Variants in CDH4 observed in about 807,000 individuals in gnomAD.
CDH4 encodes cadherin 4.
In CDH4, 33 loss-of-function variants were observed where a neutral mutation model predicts 86.0. That is an observed-to-expected ratio of 0.38 (90% CI 0.29 to 0.51). CDH4 has a LOEUF of 0.51. Ranked by LOEUF, CDH4 falls within the 20% of genes least tolerant of loss-of-function variation. CDH4 has a pLI of 0.86. For synonymous variants in CDH4, 555 were observed against 549.4 expected (o/e 1.01, Z -0.14); for missense variants, 1,114 against 1,307.4 (o/e 0.85, Z 2.28).
chr20:61,453,499 T>G (rs1398006605), intron 2 of CDH4, among the ~76,000 whole-genome samples: 1 of 152,076 alleles, frequency 6.6e-6, no homozygotes, highest in Admixed American at 6.6e-5. Context: ...ACCACCCACT[T>G]CTTAGGTCCT....
intron 2 of CDH4, among the ~76,000 whole-genome samples, chr20:61,294,498 C>G (rs893990501): frequency 4.6e-5 from 7 of 152,246 alleles, no homozygotes; most frequent in African/African-American, 1.4e-4. Context: ...ACCCTCCACC[C>G]TATGCCCCTT....
At chr20:61,283,478 G>GTGAT (rs2084274472) in intron 2 of CDH4, among the ~76,000 whole-genome samples, 6 of 54,064 alleles carry the variant, frequency 1.1e-4, no homozygotes, top group Admixed American at 2.2e-4. Flanking sequence ...CGTGTGCTGT[G>GTGAT]GTGTGTGATG....
intron 2 of CDH4, among the ~76,000 whole-genome samples, chr20:61,667,985 G>A (rs756220042): frequency 6.6e-5 from 10 of 152,230 alleles, no homozygotes; most frequent in Admixed American, 3.3e-4. Flanking sequence ...TAGAGTAAGT[G>A]CTCTTGAGAG....
rs1261938494 is a variant in CDH4, at chr20:61,892,323, A to G, written c.1051-2587A>G. On this transcript the variant is annotated intron_variant, in intron 7 of 15. Coordinates refer to ENST00000614565, the MANE Select transcript of CDH4 (RefSeq NM_001794.5). ...TCATTGGCAACATTAACTTGCTGTC[A>G]TGGGGCACCTACTCTGTGTTGGGCC... is the stretch of plus-strand genomic sequence containing the variant. Among the ~76,000 whole-genome samples, 4 of 152,314 alleles carry G rather than the reference A, an allele frequency of 2.6e-5. No homozygotes were observed. In the East Asian group the frequency reaches 5.8e-4, roughly 22 times the overall value.
chr20:61,440,318 C>T (rs2085307390), intron 2 of CDH4, among the ~76,000 whole-genome samples: 1 of 152,090 alleles, frequency 6.6e-6, no homozygotes, highest in Non-Finnish European at 1.5e-5. Flanking sequence ...ACATTCTAGA[C>T]TCGTTTTTGC....
At chr20:61,854,834 C>T (rs552586091) in intron 6 of CDH4, among the ~76,000 whole-genome samples, 105 of 149,404 alleles carry the variant, frequency 7.0e-4, no homozygotes, top group African/African-American at 2.5e-3. Context: ...TTGGTCCACC[C>T]CCAGGGCTGC....
intron 7 of CDH4, among the ~76,000 whole-genome samples, chr20:61,875,433 G>A (rs527720454): frequency 2.0e-5 from 3 of 152,298 alleles, no homozygotes; most frequent in African/African-American, 2.4e-5. Context: ...AGCAGAGGAC[G>A]TTGTCAGCCC....
intron 3 of CDH4, among the ~76,000 whole-genome samples, chr20:61,763,032 C>T (rs1568801881): frequency 6.6e-6 from 1 of 152,238 alleles, no homozygotes; most frequent in East Asian, 1.9e-4. Context: ...TGGGGCACTT[C>T]AGATGCTAAG....
chr20:61,522,685 C>G (rs1450903969), intron 2 of CDH4, among the ~76,000 whole-genome samples: 1 of 152,224 alleles, frequency 6.6e-6, no homozygotes, highest in Admixed American at 6.5e-5. Flanking sequence ...GGAGCCAGCG[C>G]TGCCCTTGTT....
At chr20:61,386,763 ACC>A (rs1176715936) in intron 2 of CDH4, among the ~76,000 whole-genome samples, 1 of 152,248 alleles carries the variant, frequency 6.6e-6, no homozygotes, top group Non-Finnish European at 1.5e-5. Flanking sequence ...CGTCAGGTAA[ACC>A]ATTGCTGTCC....
At chr20:61,858,863 G>A (rs1205202195) in intron 6 of CDH4, among the ~76,000 whole-genome samples, 1 of 152,142 alleles carries the variant, frequency 6.6e-6, no homozygotes, top group Non-Finnish European at 1.5e-5. Context: ...GAGCTGCTCT[G>A]AGCACCCATT....
intron 6 of CDH4, among the ~76,000 whole-genome samples, chr20:61,865,062 C>T (rs1983485853): frequency 1.3e-5 from 2 of 152,176 alleles, no homozygotes; most frequent in African/African-American, 2.4e-5. Flanking sequence ...TGCGCCCAGA[C>T]CTCATGCCCC....
intron 9 of CDH4, among the ~76,000 whole-genome samples, chr20:61,913,374 C>A (rs1335554376): frequency 1.3e-5 from 2 of 152,238 alleles, no homozygotes; most frequent in Non-Finnish European, 2.9e-5. Context: ...GCCTGCCTGG[C>A]CCTATCTGCG....
At chr20:61,505,530 G>A (rs913555449) in intron 2 of CDH4, among the ~76,000 whole-genome samples, 4 of 152,194 alleles carry the variant, frequency 2.6e-5, no homozygotes, top group Admixed American at 6.5e-5. Flanking sequence ...TATGCAGGGG[G>A]CCCCAGTGTC....
At chr20:61,724,082 C>G (rs201801146) in intron 2 of CDH4, among the ~76,000 whole-genome samples, 413 of 27,070 alleles carry the variant, frequency 0.015, no homozygotes, top group Admixed American at 0.028. Context: ...TGCGGCAGGG[C>G]GGGTGGGTCC....
intron 2 of CDH4, among the ~76,000 whole-genome samples, chr20:61,298,432 C>T (rs1459077640): frequency 6.6e-6 from 1 of 152,062 alleles, no homozygotes; most frequent in Non-Finnish European, 1.5e-5. Context: ...CACACCCCTT[C>T]CTCCCGCACT....
At chr20:61,426,964 C>A (rs370382789) in intron 2 of CDH4, among the ~76,000 whole-genome samples, 2 of 152,262 alleles carry the variant, frequency 1.3e-5, no homozygotes, top group South Asian at 2.1e-4. Flanking sequence ...GTACTGTGTT[C>A]CAGGCAAGTG....
chr20:61,771,414 G>A (rs971397918), intron 3 of CDH4, among the ~76,000 whole-genome samples: 12 of 151,802 alleles, frequency 7.9e-5, no homozygotes, highest in South Asian at 2.1e-4. Flanking sequence ...ACCGGAGGTC[G>A]GGAGTTTGAG....
At chr20:61,344,583 T>C (rs530668396) in intron 2 of CDH4, among the ~76,000 whole-genome samples, 2 of 152,342 alleles carry the variant, frequency 1.3e-5, no homozygotes, top group South Asian at 2.1e-4. Flanking sequence ...AGTGATGAGA[T>C]AGCCAGGGGC....
Sources: gnomAD v4.1 joint callset for allele counts (sites outside exome capture counted in the v4.1 genomes callset) on GRCh38, gnomAD v4.1.1 for gene constraint, MANE v1.5 for transcripts, NCBI Gene and HGNC (gene_info 2026-07-23, HGNC 2026-07-21) for gene names.